LARGE1: variants seen among roughly 807,000 people sequenced by gnomAD.
LARGE1 encodes the protein LARGE xylosyl- and glucuronyltransferase 1.
LARGE1 carries 43 observed loss-of-function variants against 87.6 expected under a neutral mutation model. The ratio of observed to expected loss-of-function variants is 0.49; its 90% CI spans 0.38 to 0.63. The LOEUF is 0.63. Among genes scored for constraint, LARGE1 ranks in the 30% least tolerant of loss-of-function variants. LARGE1 has a pLI of 0.00. For missense variants in LARGE1, 802 were observed against 1,000.2 expected (o/e 0.80, Z 2.67); for synonymous variants, 434 against 394.6 (o/e 1.10, Z -1.18).
chr22:33,080,936 G>C, the LARGE1 span, among the ~76,000 whole-genome samples: 343 of 147,900 alleles, frequency 2.3e-3, 4 homozygotes, highest in African/African-American at 8.5e-3. Context: ...CTGCTCATCC[G>C]TTCATCCATC....
At chr22:33,770,749 T>TA (rs1271256582) in intron 1 of LARGE1, among the ~76,000 whole-genome samples, 3 of 151,740 alleles carry the variant, frequency 2.0e-5, no homozygotes, top group Non-Finnish European at 2.9e-5. Context: ...TACTGCAGAT[T>TA]AAAAAAAAAT....
rs71187275 is a variant in LARGE1 at position 33,651,225 on chromosome 22, CAAAAA to C, written c.107-562_107-558del. ...TGAAACCCGGTCTCTACTAAAAATA[CAAAAA>C]AAAAAAAAAAAATTAGCCGGGCTTG... On this transcript the variant is annotated intron_variant, in intron 2 of 14. Transcript: ENST00000397394. Among the ~76,000 whole-genome samples, 11 of 56,574 alleles carry C rather than the reference CAAAAA, an allele frequency of 1.9e-4. 1 individual carries two copies. The highest frequency in any genetic ancestry group is 7.5e-4 in the African/African-American group (11 of 14,662). 37.1% of individuals were successfully genotyped at this position (56,574 alleles called of 152,430 possible). A position where few individuals can be genotyped will look rare whatever the true frequency, so the allele number is the denominator to read the frequency against.
At chr22:33,423,191 G>A (rs1351520293) in intron 7 of LARGE1, among the ~76,000 whole-genome samples, 1 of 152,018 alleles carries the variant, frequency 6.6e-6, no homozygotes, top group Non-Finnish European at 1.5e-5. Context: ...GTACCATTCA[G>A]CACTCGTAGG....
intron 2 of LARGE1, among the ~76,000 whole-genome samples, chr22:33,700,830 G>C (rs1429874680): frequency 1.3e-5 from 2 of 152,338 alleles, no homozygotes; most frequent in African/African-American, 4.8e-5. Flanking sequence ...GTAGCAATCT[G>C]CAGTAGTTTA....
intron 11 of LARGE1, among the ~76,000 whole-genome samples, chr22:33,258,192 G>A (rs1283129738): frequency 4.6e-5 from 7 of 152,040 alleles, no homozygotes; most frequent in African/African-American, 7.2e-5. Flanking sequence ...CACCACGCCC[G>A]GCTAATTTTT....
chr22:33,287,856 T>C (rs1931829383), intron 12 of LARGE1, among the ~76,000 whole-genome samples: 2 of 152,232 alleles, frequency 1.3e-5, no homozygotes, highest in Admixed American at 1.3e-4. Flanking sequence ...ATGTAGATTA[T>C]TAAGATGGAA....
chr22:33,451,850 CCCGG>C (rs202202913), intron 6 of LARGE1, among the ~76,000 whole-genome samples: 5,669 of 152,266 alleles, frequency 0.037, 145 homozygotes, highest in Non-Finnish European at 0.051. Flanking sequence ...AGCCACCGCC[CCCGG>C]CCGGGAGTCT....
At chr22:33,536,686 AG>A (rs2077053589) in intron 6 of LARGE1, among the ~76,000 whole-genome samples, 1 of 152,254 alleles carries the variant, frequency 6.6e-6, no homozygotes, top group African/African-American at 2.4e-5. Flanking sequence ...CCTTACCAGA[AG>A]GAGGTTTACC....
chr22:33,860,533 C>T (rs945492420), intron 1 of LARGE1, among the ~76,000 whole-genome samples: 2 of 152,182 alleles, frequency 1.3e-5, no homozygotes, highest in African/African-American at 4.8e-5. Flanking sequence ...AGTGTCCTGG[C>T]TCCACACTGG....
intron 1 of LARGE1, among the ~76,000 whole-genome samples, chr22:33,878,701 A>G (rs1409480164): frequency 1.3e-5 from 2 of 152,020 alleles, no homozygotes; most frequent in Non-Finnish European, 1.5e-5. Context: ...GGTGCTCAAC[A>G]CTCATTTACC....
intron 5 of LARGE1, among the ~76,000 whole-genome samples, chr22:33,578,710 G>A (rs959336155): frequency 3.9e-5 from 6 of 152,148 alleles, no homozygotes; most frequent in South Asian, 4.2e-4. Flanking sequence ...AACCTTAATC[G>A]TTTTTGGAAA....
intron 2 of LARGE1, among the ~76,000 whole-genome samples, chr22:33,691,199 G>A (rs377699740): frequency 1.6e-4 from 25 of 152,054 alleles, no homozygotes; most frequent in African/African-American, 4.6e-4. Context: ...GTCCAGCCAC[G>A]CTCTGTTAGC....
intron 11 of LARGE1, among the ~76,000 whole-genome samples, chr22:33,314,209 C>T (rs991984963): frequency 4.6e-5 from 7 of 152,090 alleles, no homozygotes; most frequent in African/African-American, 1.7e-4. Flanking sequence ...CTGTCTTTAC[C>T]TGTTACCTGC....
At chr22:33,314,316 G>C (rs1176570235) in intron 11 of LARGE1, among the ~76,000 whole-genome samples, 1 of 152,158 alleles carries the variant, frequency 6.6e-6, no homozygotes. Context: ...GGCCCCTGAA[G>C]CCATTGAATT....
chr22:33,089,321 T>TTCTTTCTTCTTCTTCTTCTTC, the LARGE1 span, among the ~76,000 whole-genome samples: 475 of 87,002 alleles, frequency 5.5e-3, 5 homozygotes, highest in South Asian at 0.012. Context: ...TTCTTTCTTC[T>TTCTTTCTTCTTCTTCTTCTTC]TTCTTCTTCT....
chr22:33,161,760 C>A (rs1213774499), downstream of LARGE1, among the ~76,000 whole-genome samples: 1 of 152,162 alleles, frequency 6.6e-6, no homozygotes, highest in Non-Finnish European at 1.5e-5. Context: ...TACAGCCCCC[C>A]TCCCAGCTGC....
intron 6 of LARGE1, among the ~76,000 whole-genome samples, chr22:33,499,142 T>G (rs1009940266): frequency 6.6e-5 from 10 of 152,130 alleles, no homozygotes; most frequent in Non-Finnish European, 1.3e-4. Flanking sequence ...TTCCACACCT[T>G]GAGGCTGTGC....
intron 1 of LARGE1, among the ~76,000 whole-genome samples, chr22:33,877,677 A>G (rs1322755304): frequency 6.6e-6 from 1 of 152,100 alleles, no homozygotes; most frequent in South Asian, 2.1e-4. Context: ...AATCCCAGCA[A>G]TTTGGGAGGC....
chr22:33,774,997 A>G (rs2085189207), intron 1 of LARGE1, among the ~76,000 whole-genome samples: 1 of 152,242 alleles, frequency 6.6e-6, no homozygotes, highest in Non-Finnish European at 1.5e-5. Context: ...AGTTAGTGGC[A>G]GCAGAACTAT....
Sources: gnomAD v4.1 joint callset for allele counts (sites outside exome capture counted in the v4.1 genomes callset) on GRCh38, gnomAD v4.1.1 for gene constraint, MANE v1.5 for transcripts, NCBI Gene and HGNC (gene_info 2026-07-23, HGNC 2026-07-21) for gene names.